The following UBAP1L variants were observed in gnomAD, a reference collection of about 807,000 sequenced individuals.
UBAP1L encodes ubiquitin-associated protein 1-like.
Under a neutral mutation model 32.1 loss-of-function variants are expected in UBAP1L, and 32 were observed. The ratio of observed to expected loss-of-function variants is 1.00; its 90% CI spans 0.75 to 1.34. UBAP1L has a LOEUF of 1.34. UBAP1L is among the 40% of genes most tolerant of loss of function. UBAP1L has a pLI of 0.00. For synonymous variants in UBAP1L, 243 were observed against 250.2 expected (o/e 0.97, Z 0.27); for missense variants, 516 against 540.5 (o/e 0.95, Z 0.45).
At position 65,093,046 on chromosome 15, in the gene UBAP1L, C is replaced by T; in HGVS notation, c.*51G>A. ...TAATAATACAGTTAGGATGGGTTGC[C>T]AGGTCTGGCATTGGGCCTAGATGCC... On this transcript the variant is annotated 3_prime_UTR_variant, in exon 6 of 6. Transcript: ENST00000559089. 6.6e-7 allele frequency: 1 copy of T among 1,522,174 alleles called. No homozygotes were observed. The highest frequency in any genetic ancestry group is 8.8e-7 in the Non-Finnish European group (1 of 1,139,006). 94.3% of individuals were successfully genotyped at this position (1,522,174 alleles called of 1,614,324 possible). A position where few individuals can be genotyped will look rare whatever the true frequency, so the allele number is the denominator to read the frequency against.
At chr15:65,099,385 A>G (rs2087213316) in intron 4 of UBAP1L, 120 bp downstream of exon 4, 17 of 1,061,132 alleles carry the variant, frequency 1.6e-5, no homozygotes, top group Non-Finnish European at 1.6e-5. Context: ...GATGCTCCAG[A>G]GCTGTGGGGT....
chr15:65,099,358 A>G (rs890897065), intron 4 of UBAP1L, 147 bp downstream of exon 4: 13 of 817,914 alleles, frequency 1.6e-5, no homozygotes, highest in Non-Finnish European at 2.5e-5. Context: ...CACTTAGGAC[A>G]ACCCTGAGGG....
intron 4 of UBAP1L, chr15:65,099,266 G>T: frequency 1.9e-6 from 1 of 525,888 alleles, no homozygotes; most frequent in Non-Finnish European, 3.4e-6. Context: ...TAACTGCAGA[G>T]ATCCACTTAC....
At chr15:65,112,576 T>C (rs2087375433) in intron 1 of UBAP1L, among the ~76,000 whole-genome samples, 1 of 152,146 alleles carries the variant, frequency 6.6e-6, no homozygotes, top group African/African-American at 2.4e-5. Context: ...GGCAATGACA[T>C]TAGTATTGTT....
chr15:65,113,714 C>T (rs1445277289), intron 1 of UBAP1L, among the ~76,000 whole-genome samples: 2 of 152,058 alleles, frequency 1.3e-5, no homozygotes, highest in African/African-American at 4.8e-5. Context: ...CGCCACTGCA[C>T]TCCAGCCTGG....
At chr15:65,110,558 G>A (rs1364223618) in intron 1 of UBAP1L, among the ~76,000 whole-genome samples, 1 of 150,610 alleles carries the variant, frequency 6.6e-6, no homozygotes, top group South Asian at 2.1e-4. Flanking sequence ...GGTGGCACGC[G>A]CCTGTAGTCC....
chr15:65,101,466 T>A (rs2087238003), intron 3 of UBAP1L: 1 of 152,378 alleles, frequency 6.6e-6, no homozygotes, highest in East Asian at 1.9e-4. Flanking sequence ...TCCTGAAGCC[T>A]TCTCAGCCTA....
intron 2 of UBAP1L, chr15:65,104,980 C>A: frequency 3.8e-6 from 1 of 261,254 alleles, no homozygotes; most frequent in Admixed American, 5.0e-5. Flanking sequence ...GCACTCCAGC[C>A]TGGTGACAGA....
chr15:65,114,544 T>C (rs571268881), intron 1 of UBAP1L, among the ~76,000 whole-genome samples: 6 of 152,334 alleles, frequency 3.9e-5, no homozygotes, highest in East Asian at 1.9e-4. Context: ...GTAGCACTTA[T>C]CACAATTGTC....
chr15:65,093,319 C>A, intron 5 of UBAP1L, 88 bp from the exon 6 acceptor site: 1 of 1,416,256 alleles, frequency 7.1e-7, no homozygotes, highest in South Asian at 1.6e-5. Flanking sequence ...GCCTACTGCA[C>A]CTAGTCCCAA....
At chr15:65,100,364 T>C (rs1209564913) in intron 3 of UBAP1L, 1 of 152,224 alleles carries the variant, frequency 6.6e-6, no homozygotes, top group East Asian at 1.9e-4. Flanking sequence ...GTTAATGACC[T>C]GATTAAGCAA....
chr15:65,093,098 C>A lies in UBAP1L; in HGVS notation c.1145G>T (p.Ter382LeuextTer29). The A allele has an allele frequency of 6.5e-7, 1 of 1,547,222 alleles. No homozygotes were observed. The highest frequency in any genetic ancestry group is 8.7e-7 in the Non-Finnish European group (1 of 1,146,078). The stretch of plus-strand genomic sequence containing the variant: ...AGGCATCGTGGAGTGCCTCCGTGGT[C>A]ACTGGGCACAGGCCACCAGCTCCTC... ...ALEELVACAQ[*>L] The change falls in exon 6 of 6, where the codon TGA becomes TTA. Residue 382 changes from the stop codon to leucine (L), a stop_lost. Coordinates refer to ENST00000559089, the MANE Select transcript of UBAP1L (RefSeq NM_001163692.2).
At chr15:65,106,867 C>G (rs1276658486) in intron 1 of UBAP1L, among the ~76,000 whole-genome samples, 5 of 152,082 alleles carry the variant, frequency 3.3e-5, no homozygotes, top group African/African-American at 7.2e-5. Flanking sequence ...TCTCAAACTC[C>G]CGGCCTTAGG....
At chr15:65,114,582 CT>C (rs2087391089) in intron 1 of UBAP1L, among the ~76,000 whole-genome samples, 1 of 152,182 alleles carries the variant, frequency 6.6e-6, no homozygotes, top group Non-Finnish European at 1.5e-5. Flanking sequence ...AATCATTAAG[CT>C]TCTTCACTCT....
At position 65,102,219 on chromosome 15, in the gene UBAP1L, A is replaced by G; in HGVS notation, c.586T>C (p.Ser196Pro). 3 of 1,228,460 alleles carry G rather than the reference A, an allele frequency of 2.4e-6. No homozygotes were observed. The highest frequency in any genetic ancestry group is 1.6e-5 in the African/African-American group (1 of 62,824). 76.1% of individuals were successfully genotyped at this position (1,228,460 alleles called of 1,614,324 possible). A position where few individuals can be genotyped will look rare whatever the true frequency, so the allele number is the denominator to read the frequency against. The change falls in exon 3 of 6, where the codon TCT (serine) becomes CCT (proline). Residue 196 changes from serine (S) to proline (P), a missense_variant. Ser to Pro is a moderately conservative substitution (Grantham distance 74, BLOSUM62 -1). Transcript: ENST00000559089. The surrounding 1 kb of genome is among the most constrained non-coding windows in gnomAD (Gnocchi z 5.0). The part of the protein sequence containing the change: ...LCPSPAQSPR[S>P]ASPPGPAPQH... ...GGCGCGGGCCCCGGGGGTGATGCAG[A>G]CCTGGGGGACTGCGCAGGGCTCGGG...
intron 1 of UBAP1L, among the ~76,000 whole-genome samples, chr15:65,107,596 G>T (rs2087329281): frequency 6.6e-6 from 1 of 151,714 alleles, no homozygotes; most frequent in Admixed American, 6.6e-5. Context: ...AAAATTAGCT[G>T]GGCATGGTGG....
intron 4 of UBAP1L, chr15:65,096,947 G>A (rs1411153640): frequency 6.6e-6 from 1 of 152,314 alleles, no homozygotes; most frequent in African/African-American, 2.4e-5. Context: ...CTTTCAGTGG[G>A]AGAAGGAATC....
chr15:65,102,427 G>A lies in UBAP1L; in HGVS notation c.378C>T (p.Ser126=). Residue 126 remains serine, a synonymous_variant, in exon 3 of 6, where the codon AGC becomes AGT. Coordinates refer to ENST00000559089, the MANE Select transcript of UBAP1L (RefSeq NM_001163692.2). This position sits in a 1 kb window ranked among gnomAD's most constrained non-coding sequence, Gnocchi z 5.0. ...SSGSEEEPAP[S]SLQPGSPASP... is the part of the protein sequence containing the mutation. ...TCGCCGGGGAGCCCGGTTGGAGGCT[G>A]CTGGGGGCCGGCTCTTCCTCGCTGC... 2.1e-6 allele frequency: 3 copies of A among 1,426,236 alleles called. No homozygotes were observed. Among genetic ancestry groups the A allele is most frequent in the Non-Finnish European group, 2.7e-6 (3 of 1,093,582 alleles). 88.3% of individuals were successfully genotyped at this position (1,426,236 alleles called of 1,614,324 possible).
At chr15:65,095,357 C>T (rs1202889008) in intron 4 of UBAP1L, 1 of 152,326 alleles carries the variant, frequency 6.6e-6, no homozygotes, top group Non-Finnish European at 1.5e-5. Flanking sequence ...CCCCATAGCA[C>T]CCTATGCTTC....
Sources: allele counts gnomAD v4.1 joint callset (sites outside exome capture counted in the v4.1 genomes callset), GRCh38; gene constraint gnomAD v4.1.1; non-coding constraint Gnocchi (gnomAD v3.1); transcripts MANE v1.5; gene names NCBI Gene and HGNC (gene_info 2026-07-23, HGNC 2026-07-21).